The following VPS13C variants were observed in gnomAD, a reference collection of about 807,000 sequenced individuals.
VPS13C encodes vacuolar protein sorting 13 homolog C.
A neutral mutation model predicts 456.8 loss-of-function variants in VPS13C; 358 were observed. That is an observed-to-expected ratio of 0.78 (90% CI 0.72 to 0.86). VPS13C has a LOEUF of 0.86. Among genes scored for constraint, VPS13C ranks in the 40% least tolerant of loss-of-function variants. The pLI is 0.00. For missense variants in VPS13C, 4,818 were observed against 4,385.4 expected (o/e 1.10, Z -2.79); for synonymous variants, 1,578 against 1,486.7 (o/e 1.06, Z -1.41).
At chr15:61,883,650 A>C (rs988886599) in intron 68 of VPS13C, among the ~76,000 whole-genome samples, 7 of 152,154 alleles carry the variant, frequency 4.6e-5, no homozygotes, top group African/African-American at 1.4e-4. Context: ...ATGCCTACTC[A>C]GGTCCAACAA....
In VPS13C at chr15:61,941,937, A is replaced by C. The variant is rs1323043521; in HGVS notation, c.5279T>G (p.Leu1760Trp). The C allele has an allele frequency of 2.5e-6, 4 of 1,613,992 alleles. No individual in the cohort carries two copies. The highest frequency in any genetic ancestry group is 3.4e-6 in the Non-Finnish European group (4 of 1,179,918). ...AGGAATAATAATAACTGGTGCTTTC[A>C]AATTAATATCCATCAAAAGGCGGAA... ...KSFRLLMDIN[L>W]KAPVIIIPQS... The change falls in exon 46 of 85, where the codon TTG becomes TGG. Residue 1760 changes from leucine to tryptophan, a missense_variant. By Grantham distance (61) the Leu-to-Trp change is moderately conservative. Coordinates refer to ENST00000644861, the MANE Select transcript of VPS13C (RefSeq NM_020821.3).
chr15:62,023,525 TA>T lies in VPS13C; in HGVS notation c.515-6del. 6.5e-7 allele frequency: 1 copy of T among 1,550,294 alleles called. No homozygotes were observed. The highest frequency in any genetic ancestry group is 8.7e-7 in the Non-Finnish European group (1 of 1,152,466). ...TTTTGGCTTCTTTTGGCTTATCTAT[TA>T]AAAAATAGAAAAATACAAGCTCAAG... On this transcript the variant is annotated splice_polypyrimidine_tract_variant and splice_region_variant and intron_variant, in intron 7 of 84. Transcript: ENST00000644861.
intron 30 of VPS13C, 40 bp downstream of exon 30, chr15:61,966,043 A>T (rs941185614): frequency 5.3e-6 from 8 of 1,520,212 alleles, no homozygotes; most frequent in Non-Finnish European, 7.2e-6. Flanking sequence ...AGACTAGGTT[A>T]TTTTCAAACA....
intron 27 of VPS13C, among the ~76,000 whole-genome samples, chr15:61,971,294 C>T (rs529810929): frequency 5.6e-4 from 85 of 152,266 alleles, no homozygotes; most frequent in African/African-American, 1.9e-3. Context: ...CAAAGTCTTG[C>T]TCTGTCACCT....
chr15:61,901,886 G>A (rs558868396), intron 66 of VPS13C, among the ~76,000 whole-genome samples: 170 of 152,130 alleles, frequency 1.1e-3, no homozygotes, highest in African/African-American at 3.4e-3. Context: ...TGATAGACTG[G>A]ATTAAGAAAA....
At chr15:61,903,908 G>A (rs772236639) in intron 66 of VPS13C, among the ~76,000 whole-genome samples, 20 of 152,108 alleles carry the variant, frequency 1.3e-4, no homozygotes, top group Non-Finnish European at 2.5e-4. Flanking sequence ...AAATGGTGCT[G>A]GGAAAACTGG....
rs1406181805 is a variant in VPS13C at position 62,013,864 on chromosome 15, A to G, written c.744+69T>C. 5.0e-6 allele frequency: 6 copies of G among 1,197,272 alleles called. No individual in the cohort carries two copies. The African/African-American group carries it at 7.6e-5, about 15-fold the overall frequency. 74.2% of individuals were successfully genotyped at this position (1,197,272 alleles called of 1,614,324 possible). ...TCCAATGGCATATTCTGCTCCATCAATGTTTCTTCAAGAAAATAAATTAAG... is the reference window on the plus strand; with the variant it reads ...TCCAATGGCATATTCTGCTCCATCAGTGTTTCTTCAAGAAAATAAATTAAG... On this transcript the variant is annotated intron_variant, in intron 10 of 84. Coordinates refer to ENST00000644861, the MANE Select transcript of VPS13C (RefSeq NM_020821.3).
intron 1 of VPS13C, among the ~76,000 whole-genome samples, chr15:62,058,954 C>T (rs2048896725): frequency 6.6e-6 from 1 of 150,664 alleles, no homozygotes; most frequent in Non-Finnish European, 1.5e-5. Context: ...ACAACAACAA[C>T]AACCAGGCTC....
At chr15:61,952,552 A>G (rs897056090) in intron 38 of VPS13C, among the ~76,000 whole-genome samples, 1 of 152,162 alleles carries the variant, frequency 6.6e-6, no homozygotes, top group African/African-American at 2.4e-5. Context: ...GTATATCTGC[A>G]AATAGAATGA....
chr15:61,912,587 C>A lies in VPS13C; in HGVS notation c.8551-583G>T, dbSNP rs1194202453. ...CATAAAAATTTGTAGTGATAACAGC[C>A]CTCCACATTATCACTTGAAATTCAA... On this transcript the variant is annotated intron_variant, in intron 62 of 84. Coordinates refer to ENST00000644861, the MANE Select transcript of VPS13C (RefSeq NM_020821.3). Among the ~76,000 whole-genome samples, 5 of 151,648 alleles carry A rather than the reference C, an allele frequency of 3.3e-5. No homozygotes were observed. In the East Asian group the frequency reaches 7.7e-4, roughly 23 times the overall value.
At chr15:61,907,030 G>C (rs751747485) in intron 66 of VPS13C, 19 of 449,318 alleles carry the variant, frequency 4.2e-5, no homozygotes, top group Non-Finnish European at 5.5e-5. Context: ...GCTTTACATA[G>C]GCAAGATAAA....
rs1466881068 is a variant in VPS13C at position 61,917,662 on chromosome 15, A to G, written c.7761-27T>C. 4 of 1,596,502 alleles carry G rather than the reference A, an allele frequency of 2.5e-6. No individual in the cohort carries two copies. The East Asian group carries it at 9.0e-5, about 36-fold the overall frequency. On this transcript the variant is annotated intron_variant, in intron 59 of 84. Transcript: ENST00000644861. ...TGCAGAAAGAGGAAACAGTGACAAT[A>G]AAGTTTTGATCCACAACTTAAAAAA...
rs191092602 is a variant in VPS13C, at chr15:61,954,645, T to G, written c.4166-91A>C. On this transcript the variant is annotated intron_variant, in intron 37 of 84. Coordinates refer to ENST00000644861, the MANE Select transcript of VPS13C (RefSeq NM_020821.3). ...ACTTATATGAGTATTCTGGACCTGG[T>G]AGAGGCAATGAAAATCCACGAATTA... The G allele has an allele frequency of 3.1e-5, 41 of 1,321,714 alleles. No homozygotes were observed. In the African/African-American group the frequency reaches 5.6e-4, roughly 18 times the overall value. The allele number at this position is 1,321,714 out of a possible 1,614,324, so 81.9% of individuals were successfully genotyped here.
intron 22 of VPS13C, among the ~76,000 whole-genome samples, chr15:61,979,981 C>G (rs1377409430): frequency 6.6e-6 from 1 of 151,534 alleles, no homozygotes; most frequent in Non-Finnish European, 1.5e-5. Flanking sequence ...GTCAGGAGTT[C>G]GAGACCAGCC....
chr15:62,046,945 GT>G (rs989266898), intron 1 of VPS13C, among the ~76,000 whole-genome samples: 6 of 151,752 alleles, frequency 4.0e-5, no homozygotes. Context: ...TTTTATTGAT[GT>G]TTTTCAGTAT....
In VPS13C at chr15:61,962,366, T is replaced by C; in HGVS notation, c.3603+5A>G. 1 of 1,570,496 alleles carries C rather than the reference T, an allele frequency of 6.4e-7. No homozygotes were observed. Among genetic ancestry groups the C allele is most frequent in the South Asian group, 1.2e-5 (1 of 81,186 alleles). ...GAAAAATCAATATACAAATAATTAT[T>C]TTACCAGAAGTGACATAAGGAATTT... On this transcript the variant is annotated splice_donor_5th_base_variant and intron_variant, in intron 34 of 84. Coordinates refer to ENST00000644861, the MANE Select transcript of VPS13C (RefSeq NM_020821.3).
Position 61,958,621 on chromosome 15 carries a change from T to A in VPS13C, c.4152A>T (p.Arg1384Ser). ...GTEDLDKVKP[R>S]VQETGEIKEP... is the part of the protein sequence containing the mutation. The stretch of plus-strand genomic sequence containing the variant: ...TCAGCCTCTTACCTGTCTCTTGTAC[T>A]CTTGGTTTCACTTTATCCAAGTCTT... The change falls in exon 37 of 85, where the codon AGA becomes AGT. Residue 1384 changes from arginine to serine, a missense_variant. Transcript: ENST00000644861. The A allele has an allele frequency of 6.4e-7, 1 of 1,570,484 alleles. No individual in the cohort carries two copies. The highest frequency in any genetic ancestry group is 2.3e-5 in the East Asian group (1 of 43,124).
intron 16 of VPS13C, among the ~76,000 whole-genome samples, chr15:61,996,823 A>G (rs1238549869): frequency 6.8e-6 from 1 of 147,708 alleles, no homozygotes; most frequent in Non-Finnish European, 1.5e-5. Context: ...GAGAAAAAAG[A>G]CTGCAGGAAA....
intron 65 of VPS13C, among the ~76,000 whole-genome samples, chr15:61,907,883 T>C (rs959370457): frequency 6.6e-6 from 1 of 152,174 alleles, no homozygotes; most frequent in African/African-American, 2.4e-5. Context: ...GCCTCTCAAG[T>C]AGCTGTGACT....
Sources: gnomAD v4.1 joint callset for allele counts (sites outside exome capture counted in the v4.1 genomes callset) on GRCh38, gnomAD v4.1.1 for gene constraint, MANE v1.5 for transcripts, NCBI Gene and HGNC (gene_info 2026-07-23, HGNC 2026-07-21) for gene names.